Variants in GPR158 observed in about 807,000 individuals in gnomAD.
The protein encoded by GPR158 is metabotropic glycine receptor.
GPR158 carries 30 observed loss-of-function variants against 78.2 expected under a neutral mutation model. The ratio of observed to expected loss-of-function variants is 0.38; its 90% CI spans 0.29 to 0.52. GPR158 has a LOEUF of 0.52. GPR158 is among the 20% of genes least tolerant of loss of function. GPR158 has a pLI of 0.83. For synonymous variants in GPR158, 581 were observed against 591.1 expected (o/e 0.98, Z 0.25); for missense variants, 1,463 against 1,523.5 (o/e 0.96, Z 0.66).
chr10:25,598,558 C>G lies in GPR158; in HGVS notation c.2932C>G (p.Gln978Glu). 6.2e-7 allele frequency: 1 copy of G among 1,613,720 alleles called. No homozygotes were observed. Among genetic ancestry groups the G allele is most frequent in the Non-Finnish European group, 8.5e-7 (1 of 1,179,908 alleles). ...RKPQKSGIMK[Q>E]QRVNPTTANS... ...GCCTCAGAAATCTGGGATTATGAAACAACAAAGGGTCAACCCCACCACTGC... is the reference window on the plus strand; with the variant it reads ...GCCTCAGAAATCTGGGATTATGAAAGAACAAAGGGTCAACCCCACCACTGC... Residue 978 changes from glutamine (Q) to glutamate (E), a missense_variant, in exon 11 of 11, where the codon CAA becomes GAA. Physicochemically the swap from Gln to Glu is conservative, Grantham distance 29. Transcript: ENST00000376351.
intron 2 of GPR158, among the ~76,000 whole-genome samples, chr10:25,274,807 A>C (rs1013701485): frequency 4.6e-5 from 7 of 152,190 alleles, no homozygotes; most frequent in Non-Finnish European, 1.0e-4. Flanking sequence ...TCTTTGGTGT[A>C]TTGTAGTGAA....
At chr10:25,203,328 C>T (rs1461738235) in intron 1 of GPR158, among the ~76,000 whole-genome samples, 1 of 152,160 alleles carries the variant, frequency 6.6e-6, no homozygotes, top group African/African-American at 2.4e-5. Flanking sequence ...AGTCCTTGCC[C>T]ATGCCTATTT....
At chr10:25,534,500 A>AAAAC (rs922420036) in intron 5 of GPR158, among the ~76,000 whole-genome samples, 1 of 151,790 alleles carries the variant, frequency 6.6e-6, no homozygotes, top group African/African-American at 2.4e-5. Context: ...AAAACAAAAC[A>AAAAC]AAACAAAACA....
chr10:25,275,754 A>G (rs1338344328), intron 2 of GPR158, among the ~76,000 whole-genome samples: 1 of 152,188 alleles, frequency 6.6e-6, no homozygotes, highest in Non-Finnish European at 1.5e-5. Flanking sequence ...CTAGAAAGAA[A>G]TTTAGGTCAT....
chr10:25,323,605 C>T (rs1854986946), intron 2 of GPR158, among the ~76,000 whole-genome samples: 1 of 151,712 alleles, frequency 6.6e-6, no homozygotes, highest in African/African-American at 2.4e-5. Flanking sequence ...TAGGTCACTG[C>T]AGCCTTGATC....
At chr10:25,588,280 C>G (rs1011191097) in intron 7 of GPR158, among the ~76,000 whole-genome samples, 2 of 152,210 alleles carry the variant, frequency 1.3e-5, no homozygotes, top group Non-Finnish European at 2.9e-5. Context: ...TAAGATTATG[C>G]AAAGTTATTT....
intron 5 of GPR158, among the ~76,000 whole-genome samples, chr10:25,494,276 A>G (rs1447108622): frequency 1.3e-5 from 2 of 152,208 alleles, no homozygotes; most frequent in African/African-American, 4.8e-5. Flanking sequence ...AAGAGAATTT[A>G]CCAATCTATA....
intron 4 of GPR158, among the ~76,000 whole-genome samples, chr10:25,456,493 T>C (rs74124010): frequency 0.013 from 2,055 of 152,284 alleles, 58 homozygotes; most frequent in African/African-American, 0.047. Flanking sequence ...TTTTTCTCCT[T>C]TTTTTAGAAG....
At chr10:25,365,930 T>TA (rs1389573585) in intron 2 of GPR158, among the ~76,000 whole-genome samples, 1 of 151,734 alleles carries the variant, frequency 6.6e-6, no homozygotes, top group African/African-American at 2.4e-5. Flanking sequence ...TTTTTAACAC[T>TA]GTATATTACA....
At chr10:25,576,840 G>C (rs1837104729) in intron 7 of GPR158, among the ~76,000 whole-genome samples, 1 of 152,112 alleles carries the variant, frequency 6.6e-6, no homozygotes, top group Non-Finnish European at 1.5e-5. Context: ...TGATGAGAGT[G>C]CAGGGACCAA....
chr10:25,598,115 A>G lies in GPR158; in HGVS notation c.2489A>G (p.Glu830Gly). ...TYDHVRDQTE[E>G]SSSLPTESQE... ...GACCACGTGAGAGACCAAACGGAAG[A>G]GTCCAGTAGCCTACCCACAGAAAGC... Residue 830 changes from glutamate (E) to glycine (G), a missense_variant, in exon 11 of 11, where the codon GAG becomes GGG. By Grantham distance (98) the Glu-to-Gly change is moderately conservative. Transcript: ENST00000376351. The G allele has an allele frequency of 6.2e-7, 1 of 1,614,116 alleles. No homozygotes were observed. Among genetic ancestry groups the G allele is most frequent in the Non-Finnish European group, 8.5e-7 (1 of 1,180,008 alleles).
chr10:25,372,942 A>G (rs1834020939), intron 2 of GPR158, among the ~76,000 whole-genome samples: 1 of 152,010 alleles, frequency 6.6e-6, no homozygotes. Context: ...CAGCAATCTT[A>G]TTACTCGGTA....
Position 25,579,661 on chromosome 10 carries a change from A to G in GPR158, c.1753+6774A>G, listed in dbSNP as rs778848464. On this transcript the variant is annotated intron_variant, in intron 7 of 10. Transcript: ENST00000376351. ...AAAAAAGTAGCTAATAAATGATAGC[A>G]TCGAGGACATTTAGAACTTCCCTTC... Among the ~76,000 whole-genome samples the G allele has an allele frequency of 5.3e-5, 8 of 152,378 alleles. 1 individual carries two copies. The South Asian group carries it at 1.7e-3, about 32-fold the overall frequency.
chr10:25,399,137 G>A (rs1357246674), intron 3 of GPR158, among the ~76,000 whole-genome samples: 2 of 152,188 alleles, frequency 1.3e-5, no homozygotes, highest in Non-Finnish European at 2.9e-5. Context: ...CAGGGTGGCA[G>A]GAGAAAGAAT....
At chr10:25,289,677 C>T (rs1444149838) in intron 2 of GPR158, among the ~76,000 whole-genome samples, 6 of 152,226 alleles carry the variant, frequency 3.9e-5, no homozygotes, top group Admixed American at 2.6e-4. Flanking sequence ...TCCTCTGCCT[C>T]CCAAAGTGCT....
chr10:25,399,960 A>C (rs999854621), intron 3 of GPR158, among the ~76,000 whole-genome samples: 2 of 152,244 alleles, frequency 1.3e-5, no homozygotes, highest in African/African-American at 4.8e-5. Flanking sequence ...GGGACCCAAC[A>C]TATGAGCTAA....
intron 2 of GPR158, among the ~76,000 whole-genome samples, chr10:25,349,444 G>A (rs756158986): frequency 3.9e-5 from 5 of 129,644 alleles, no homozygotes; most frequent in Admixed American, 1.4e-4. Context: ...TGAGTTCCCA[G>A]TGTTGGAGGA....
chr10:25,220,595 C>T (rs1246706084), intron 1 of GPR158, among the ~76,000 whole-genome samples: 5 of 152,288 alleles, frequency 3.3e-5, no homozygotes, highest in African/African-American at 1.2e-4. Flanking sequence ...GAAAGAGATG[C>T]TTATTTTCTG....
intron 5 of GPR158, among the ~76,000 whole-genome samples, chr10:25,510,276 A>G (rs1348088935): frequency 2.6e-5 from 4 of 152,228 alleles, no homozygotes; most frequent in Admixed American, 6.5e-5. Flanking sequence ...GTGTTTCCGA[A>G]TGTACCTTTA....
Sources: allele counts gnomAD v4.1 joint callset (sites outside exome capture counted in the v4.1 genomes callset), GRCh38; gene constraint gnomAD v4.1.1; transcripts MANE v1.5; gene names NCBI Gene and HGNC (gene_info 2026-07-23, HGNC 2026-07-21).